PIGU: variants seen among roughly 807,000 people sequenced by gnomAD.
PIGU encodes GPI-anchor transamidase component PIGU.
PIGU carries 24 observed loss-of-function variants against 49.9 expected under a neutral mutation model. The observed-to-expected ratio is 0.48, with a 90% CI of 0.35 to 0.68. The LOEUF (loss-of-function observed/expected upper bound fraction) is 0.68. Ranked by LOEUF, PIGU falls within the 30% of genes least tolerant of loss-of-function variation. The pLI is 0.01. For synonymous variants in PIGU, 220 were observed against 205.7 expected (o/e 1.07, Z -0.59); for missense variants, 490 against 532.6 (o/e 0.92, Z 0.79).
At chr20:34,566,328 C>G (rs1293775749) in intron 11 of PIGU, among the ~76,000 whole-genome samples, 1 of 152,246 alleles carries the variant, frequency 6.6e-6, no homozygotes, top group Non-Finnish European at 1.5e-5. Context: ...AGGGCCAGCT[C>G]TCTCTGAGTT....
At chr20:34,596,806 T>C (rs1298567399) in intron 7 of PIGU, among the ~76,000 whole-genome samples, 1 of 152,232 alleles carries the variant, frequency 6.6e-6, no homozygotes, top group Non-Finnish European at 1.5e-5. Context: ...TTGTTAAAAC[T>C]AATTACGATG....
chr20:34,645,763 G>A (rs1986323914), intron 2 of PIGU, among the ~76,000 whole-genome samples: 1 of 152,138 alleles, frequency 6.6e-6, no homozygotes. Context: ...CGGGCGTGGT[G>A]GCGGGCGCCT....
chr20:34,666,547 T>G (rs1330897627), intron 1 of PIGU, among the ~76,000 whole-genome samples: 2 of 151,644 alleles, frequency 1.3e-5, no homozygotes, highest in Non-Finnish European at 2.9e-5. Context: ...TATTTATTTT[T>G]AGAGACAGGG....
At chr20:34,644,564 A>G (rs1986272434) in intron 3 of PIGU, among the ~76,000 whole-genome samples, 1 of 152,212 alleles carries the variant, frequency 6.6e-6, no homozygotes, top group African/African-American at 2.4e-5. Flanking sequence ...AGCACACAGT[A>G]GGTCCTCAAT....
chr20:34,668,755 C>T (rs551752231), intron 1 of PIGU, among the ~76,000 whole-genome samples: 24 of 145,778 alleles, frequency 1.6e-4, no homozygotes, highest in Admixed American at 1.1e-3. Context: ...GGTGACAGAG[C>T]GAGACTCTGA....
chr20:34,592,048 C>T (rs1600607773), intron 7 of PIGU, among the ~76,000 whole-genome samples: 1 of 151,792 alleles, frequency 6.6e-6, no homozygotes, highest in Non-Finnish European at 1.5e-5. Flanking sequence ...ATTAGCCGGG[C>T]GTGGTGGTTG....
At chr20:34,611,304 A>T (rs1357967959) in intron 7 of PIGU, among the ~76,000 whole-genome samples, 1 of 152,146 alleles carries the variant, frequency 6.6e-6, no homozygotes, top group African/African-American at 2.4e-5. Context: ...CAATCTATCC[A>T]TCTGACAAAG....
intron 4 of PIGU, among the ~76,000 whole-genome samples, chr20:34,640,992 C>T (rs890397654): frequency 1.3e-5 from 2 of 152,178 alleles, no homozygotes; most frequent in Admixed American, 6.5e-5. Flanking sequence ...CTCCCGGGTT[C>T]AAGTGATTCT....
At chr20:34,654,440 G>A (rs1490280582) in intron 2 of PIGU, among the ~76,000 whole-genome samples, 1 of 100,424 alleles carries the variant, frequency 1.0e-5, no homozygotes, top group African/African-American at 3.8e-5. Flanking sequence ...CCGAGTTGGC[G>A]CCACTTCACT....
At chr20:34,668,483 A>AAAGG (rs1412365978) in intron 1 of PIGU, among the ~76,000 whole-genome samples, 25 of 88,702 alleles carry the variant, frequency 2.8e-4, no homozygotes, top group Admixed American at 1.1e-3. Flanking sequence ...AAAAAAAAAA[A>AAAGG]GGGGGGGGCG....
intron 11 of PIGU, among the ~76,000 whole-genome samples, chr20:34,568,801 G>A (rs1489580694): frequency 6.6e-6 from 1 of 152,170 alleles, no homozygotes; most frequent in African/African-American, 2.4e-5. Context: ...CCAATGCAAG[G>A]CCAGCCCAGT....
intron 11 of PIGU, chr20:34,562,561 C>T (rs1232015024): frequency 7.8e-7 from 1 of 1,289,272 alleles, no homozygotes; most frequent in Non-Finnish European, 1.0e-6. Context: ...ACCACAGAAG[C>T]CCATCTGGAA....
chr20:34,560,808 G>T lies in PIGU; in HGVS notation c.*58C>A. ...GCTGGCAACTCTGGCTGGAGGGCTTGGCCCAGCTTCTGGCCCCACAGCCCC... is the reference window on the plus strand; with the variant it reads ...GCTGGCAACTCTGGCTGGAGGGCTTTGCCCAGCTTCTGGCCCCACAGCCCC... On this transcript the variant is annotated 3_prime_UTR_variant, in exon 12 of 12. Coordinates refer to ENST00000217446, the MANE Select transcript of PIGU (RefSeq NM_080476.5). 2 of 1,300,280 alleles carry T rather than the reference G, an allele frequency of 1.5e-6. No homozygotes were observed. The highest frequency in any genetic ancestry group is 2.1e-6 in the Non-Finnish European group (2 of 956,970). The allele number at this position is 1,300,280 out of a possible 1,614,324, so 80.5% of individuals were successfully genotyped here. A position where few individuals can be genotyped will look rare whatever the true frequency, so the allele number is the denominator to read the frequency against.
At chr20:34,604,450 C>T (rs1452059637) in intron 7 of PIGU, among the ~76,000 whole-genome samples, 1 of 152,070 alleles carries the variant, frequency 6.6e-6, no homozygotes, top group African/African-American at 2.4e-5. Flanking sequence ...AGAAGAGATC[C>T]AGGAGATATA....
At chr20:34,580,954 A>G (rs954856893) in intron 10 of PIGU, among the ~76,000 whole-genome samples, 4 of 152,170 alleles carry the variant, frequency 2.6e-5, no homozygotes, top group Non-Finnish European at 4.4e-5. Context: ...CTTTGGGTGC[A>G]GCGCTGGGGA....
chr20:34,671,544 T>C (rs1418034756), intron 1 of PIGU, among the ~76,000 whole-genome samples: 6 of 151,944 alleles, frequency 3.9e-5, no homozygotes, highest in African/African-American at 1.4e-4. Flanking sequence ...TTACAGGCGT[T>C]AGCCACCGTG....
At chr20:34,641,082 C>T (rs1204231147) in intron 4 of PIGU, among the ~76,000 whole-genome samples, 4 of 151,904 alleles carry the variant, frequency 2.6e-5, no homozygotes, top group Non-Finnish European at 4.4e-5. Context: ...TTAGTAGAGA[C>T]GGGCTTTCAC....
At chr20:34,632,459 C>T (rs6142208) in intron 6 of PIGU, among the ~76,000 whole-genome samples, 42,895 of 151,424 alleles carry the variant, frequency 0.28, 7,700 homozygotes, top group Admixed American at 0.5. Context: ...ACCTCTGCCT[C>T]CCAGGTTCAA....
intron 10 of PIGU, chr20:34,579,345 G>A (rs953186037): frequency 6.6e-6 from 1 of 151,688 alleles, no homozygotes; most frequent in East Asian, 1.9e-4. Context: ...AGAGTCCAGC[G>A]TCTGGGACCT....
Sources: gnomAD v4.1 joint callset for allele counts (sites outside exome capture counted in the v4.1 genomes callset) on GRCh38, gnomAD v4.1.1 for gene constraint, MANE v1.5 for transcripts, NCBI Gene and HGNC (gene_info 2026-07-23, HGNC 2026-07-21) for gene names.